CAGE1: variants seen among roughly 807,000 people sequenced by gnomAD.
The protein encoded by CAGE1 is cancer-associated gene 1 protein.
CAGE1 carries 66 observed loss-of-function variants against 94.9 expected under a neutral mutation model. The observed-to-expected ratio is 0.70, with a 90% confidence interval of 0.57 to 0.85. CAGE1 has a LOEUF of 0.85. Among genes scored for constraint, CAGE1 ranks in the 40% least tolerant of loss-of-function variants. CAGE1 has a pLI of 0.00. For missense variants in CAGE1, 865 were observed against 950.4 expected (o/e 0.91, Z 1.18); for synonymous variants, 319 against 321.0 (o/e 0.99, Z 0.07).
chr6:7,356,010 A>C lies in CAGE1; in HGVS notation c.2298+15T>G. 7.0e-7 allele frequency: 1 copy of C among 1,436,858 alleles called. No individual in the cohort carries two copies. The allele number at this position is 1,436,858 out of a possible 1,614,324, so 89.0% of individuals were successfully genotyped here. On this transcript the variant is annotated intron_variant, in intron 10 of 13. Coordinates refer to ENST00000502583, the MANE Select transcript of CAGE1 (RefSeq NM_001170692.2). ...AGATCTTGTCTCAAAATACAAAAGA[A>C]AAAAAAATGTCTACCTTCTTTATTA...
chr6:7,332,719 C>G (rs529321133), intron 12 of CAGE1, among the ~76,000 whole-genome samples: 1 of 152,172 alleles, frequency 6.6e-6, no homozygotes, highest in African/African-American at 2.4e-5. Flanking sequence ...ACTCATGACA[C>G]GACAGATTCG....
At chr6:7,370,291 A>ATTT (rs1561863000) in intron 5 of CAGE1, among the ~76,000 whole-genome samples, 57 of 152,162 alleles carry the variant, frequency 3.7e-4, no homozygotes, top group African/African-American at 1.3e-3. Flanking sequence ...CATAAATAAC[A>ATTT]ATTTATTTAT....
At chr6:7,388,635 A>C (rs1228752975) in intron 1 of CAGE1, among the ~76,000 whole-genome samples, 1 of 152,246 alleles carries the variant, frequency 6.6e-6, no homozygotes, top group Non-Finnish European at 1.5e-5. Context: ...CTTTCAATTT[A>C]TAGTCATTAC....
rs188439767 is a variant in CAGE1 at position 7,345,873 on chromosome 6, C to T, written c.2369+9168G>A. The stretch of plus-strand genomic sequence containing the variant: ...CCGGGAGGAGAAGCTTGCAGTGAGC[C>T]GATACTGTACCACTGCACTCCAGCC... On this transcript the variant is annotated intron_variant, in intron 11 of 13. Transcript: ENST00000502583. 1.7e-3 allele frequency among the ~76,000 whole-genome samples: 254 copies of T among 152,060 alleles called. 1 individual carries two copies. Among genetic ancestry groups the T allele is most frequent in the African/African-American group, 4.8e-3 (199 of 41,462 alleles).
At position 7,368,770 on chromosome 6, in the gene CAGE1, A is replaced by T; in HGVS notation, c.1922T>A (p.Phe641Tyr). Residue 641 changes from phenylalanine (F) to tyrosine (Y), a missense_variant, in exon 7 of 14, where the codon TTC becomes TAC. Transcript: ENST00000502583. Reference protein sequence around the residue: ...QDIINSDAEHFKESEKVSDIM... With the variant: ...QDIINSDAEHYKESEKVSDIM... ...ATCACTAACCTTCTCACTCTCTTTGAAATGTTCAGCATCAGAATTGATGAT... is the reference window on the plus strand; with the variant it reads ...ATCACTAACCTTCTCACTCTCTTTGTAATGTTCAGCATCAGAATTGATGAT... The T allele has an allele frequency of 1.9e-6, 3 of 1,555,958 alleles. No individual in the cohort carries two copies. The highest frequency in any genetic ancestry group is 2.6e-6 in the Non-Finnish European group (3 of 1,149,686).
intron 2 of CAGE1, 134 bp downstream of exon 2, chr6:7,386,845 C>T: frequency 1.5e-6 from 1 of 670,764 alleles, no homozygotes; most frequent in Non-Finnish European, 2.5e-6. Flanking sequence ...AAACCAGACC[C>T]TGTATTCCCC....
At position 7,362,863 on chromosome 6, in the gene CAGE1, T is replaced by C. The variant is rs568940033; in HGVS notation, c.2193+2605A>G. ...ACATTTTCCATTACTGTTTTATCTT[T>C]CTCCAACCCTGCCCCTACACCTACT... On this transcript the variant is annotated intron_variant, in intron 9 of 13. Coordinates refer to ENST00000502583, the MANE Select transcript of CAGE1 (RefSeq NM_001170692.2). The surrounding 1 kb of genome is among the most constrained non-coding windows in gnomAD (Gnocchi z 4.1). Among the ~76,000 whole-genome samples, 4 of 152,314 alleles carry C rather than the reference T, an allele frequency of 2.6e-5. No homozygotes were observed. The highest frequency in any genetic ancestry group is 9.6e-5 in the African/African-American group (4 of 41,578).
chr6:7,385,752 T>G (rs1761100386), intron 3 of CAGE1, 33 bp downstream of exon 3: 1 of 1,368,270 alleles, frequency 7.3e-7, no homozygotes, highest in African/African-American at 1.5e-5. Context: ...AAAGTTTCTC[T>G]CTTTTGCATA....
chr6:7,341,798 C>A, intron 11 of CAGE1: 1 of 682,452 alleles, frequency 1.5e-6, no homozygotes, highest in East Asian at 3.3e-5. Flanking sequence ...CCATTTAGAA[C>A]AACCACATTT....
Position 7,339,297 on chromosome 6 carries a change from A to G in CAGE1, c.2370-5207T>C. On this transcript the variant is annotated intron_variant, in intron 11 of 13. Transcript: ENST00000502583. This position sits in a 1 kb window ranked among gnomAD's most constrained non-coding sequence, Gnocchi z 4.7. The stretch of plus-strand genomic sequence containing the variant: ...AATGGCACACAGACCCCTAGTGGCC[A>G]CCTCTTCAGCATAAAGCTCTACACT... 2 of 1,581,398 alleles carry G rather than the reference A, an allele frequency of 1.3e-6. No individual in the cohort carries two copies. Among genetic ancestry groups the G allele is most frequent in the South Asian group, 1.1e-5 (1 of 90,404 alleles).
At chr6:7,343,656 G>A (rs1159112771) in intron 11 of CAGE1, among the ~76,000 whole-genome samples, 1 of 152,152 alleles carries the variant, frequency 6.6e-6, no homozygotes, top group African/African-American at 2.4e-5. Flanking sequence ...TTCTGTGGAT[G>A]GTGAATAGTA....
intron 4 of CAGE1, among the ~76,000 whole-genome samples, chr6:7,374,856 C>G (rs967576812): frequency 3.3e-5 from 5 of 151,856 alleles, no homozygotes; most frequent in African/African-American, 1.2e-4. Flanking sequence ...ATGATAAAAC[C>G]CCATCTCTGC....
intron 11 of CAGE1, among the ~76,000 whole-genome samples, chr6:7,336,225 A>G (rs997483877): frequency 6.6e-6 from 1 of 152,214 alleles, no homozygotes; most frequent in African/African-American, 2.4e-5. Context: ...AATGAGCCCA[A>G]CTCCTGAAGG....
chr6:7,368,520 C>G (rs1229378535), intron 7 of CAGE1, among the ~76,000 whole-genome samples, 168 bp downstream of exon 7: 9 of 152,080 alleles, frequency 5.9e-5, no homozygotes, highest in Non-Finnish European at 1.5e-5. Flanking sequence ...TAAAACAAGT[C>G]AAATGTTGAA....
chr6:7,384,450 A>G (rs1761045046), intron 3 of CAGE1, among the ~76,000 whole-genome samples: 1 of 152,162 alleles, frequency 6.6e-6, no homozygotes, highest in Admixed American at 6.5e-5. Context: ...TGTATACAGC[A>G]TTTAGATTTA....
In CAGE1 at chr6:7,351,583, A is replaced by AC. The variant is rs537875606; in HGVS notation, c.2369+3457_2369+3458insG. Among the ~76,000 whole-genome samples the AC allele has an allele frequency of 9.8e-3, 1,466 of 149,900 alleles. 22 individuals carry two copies. The highest frequency in any genetic ancestry group is 0.035 in the African/African-American group (1,402 of 40,436). On this transcript the variant is annotated intron_variant, in intron 11 of 13. Coordinates refer to ENST00000502583, the MANE Select transcript of CAGE1 (RefSeq NM_001170692.2). The stretch of plus-strand genomic sequence containing the variant: ...CAGCATTTTGGAATAGAAAAAAAAA[A>AC]AAAACTACAGACTGCTATCCCTGAT...
chr6:7,365,901 A>G lies in CAGE1; in HGVS notation c.2005-17T>C, dbSNP rs184846465. 1,971 of 1,375,114 alleles carry G rather than the reference A, an allele frequency of 1.4e-3. 1 individual carries two copies. Among genetic ancestry groups the G allele is most frequent in the Non-Finnish European group, 1.8e-3 (1,780 of 1,004,678 alleles). 85.2% of individuals were successfully genotyped at this position (1,375,114 alleles called of 1,614,324 possible). ...TTTCAGTAGCTAAGAAAAGGAAAAC[A>G]TTCTGTATTTTAGAGAGAAAATACA... is the stretch of plus-strand genomic sequence containing the variant. On this transcript the variant is annotated splice_polypyrimidine_tract_variant and intron_variant, in intron 7 of 13. Coordinates refer to ENST00000502583, the MANE Select transcript of CAGE1 (RefSeq NM_001170692.2).
chr6:7,358,028 ATAT>A (rs1760024694), intron 9 of CAGE1, among the ~76,000 whole-genome samples: 1,247 of 66,902 alleles, frequency 0.019, 78 homozygotes, highest in Admixed American at 0.066. Flanking sequence ...AAGTTTTGAG[ATAT>A]ATATATATAT....
rs1251345454 is a variant in CAGE1, at chr6:7,389,433, CCT to C, written c.-257_-256del. ...CGGGCTCCCGGAGTGCTGGAACGCC[CCT>C]GTGTGACGTCCGCCCGCGCCGGGGG... On this transcript the variant is annotated 5_prime_UTR_variant, in exon 1 of 14. Transcript: ENST00000502583. 1 of 426,798 alleles carries C rather than the reference CCT, an allele frequency of 2.3e-6. No homozygotes were observed. The highest frequency in any genetic ancestry group is 2.0e-5 in the African/African-American group (1 of 48,818). The allele number at this position is 426,798 out of a possible 1,614,324, so 26.4% of individuals were successfully genotyped here. A position where few individuals can be genotyped will look rare whatever the true frequency, so the allele number is the denominator to read the frequency against.
Sources: gnomAD v4.1 joint callset for allele counts (sites outside exome capture counted in the v4.1 genomes callset) on GRCh38, gnomAD v4.1.1 for gene constraint, Gnocchi (gnomAD v3.1) non-coding constraint, MANE v1.5 for transcripts, NCBI Gene and HGNC (gene_info 2026-07-23, HGNC 2026-07-21) for gene names.